The following LSAMP variants were observed in gnomAD, a reference collection of about 807,000 sequenced individuals.
LSAMP encodes the protein limbic system-associated membrane protein.
Under a neutral mutation model 38.6 loss-of-function variants are expected in LSAMP, and 7 were observed. That is an observed-to-expected ratio of 0.18 (90% confidence interval 0.10 to 0.34). The LOEUF is 0.34. LSAMP is among the 10% of genes least tolerant of loss of function. The probability of loss-of-function intolerance (pLI) is 1.00; values close to 1 mark genes in which losing one functional copy is unlikely to be tolerated. For synonymous variants in LSAMP, 154 were observed against 166.8 expected (o/e 0.92, Z 0.59); for missense variants, 313 against 420.0 (o/e 0.75, Z 2.23).
At chr3:116,328,338 C>T (rs1372034230) in intron 1 of LSAMP, among the ~76,000 whole-genome samples, 1 of 152,120 alleles carries the variant, frequency 6.6e-6, no homozygotes, top group Non-Finnish European at 1.5e-5. Context: ...AATCGAAATT[C>T]TTTATTGATT....
intron 1 of LSAMP, among the ~76,000 whole-genome samples, chr3:116,091,414 A>G (rs1162786962): frequency 6.6e-6 from 1 of 152,070 alleles, no homozygotes; most frequent in Non-Finnish European, 1.5e-5. Flanking sequence ...GACAGGACTA[A>G]GAGACTAAAG....
intron 1 of LSAMP, among the ~76,000 whole-genome samples, chr3:116,191,360 TC>T (rs1182971900): frequency 6.6e-6 from 1 of 152,114 alleles, no homozygotes; most frequent in African/African-American, 2.4e-5. Flanking sequence ...GATGAAGTGG[TC>T]CAAGGGGCAA....
chr3:116,229,240 A>G (rs962038249), intron 1 of LSAMP, among the ~76,000 whole-genome samples: 2 of 152,170 alleles, frequency 1.3e-5, no homozygotes, highest in African/African-American at 2.4e-5. Context: ...ACATCCTTTG[A>G]ACATGATTTA....
chr3:116,273,825 C>T (rs1419066601), intron 1 of LSAMP, among the ~76,000 whole-genome samples: 1 of 149,910 alleles, frequency 6.7e-6, no homozygotes, highest in Admixed American at 6.7e-5. Flanking sequence ...CTCTCTCTCT[C>T]TCTCTCTTTC....
At chr3:116,289,215 A>G (rs2047231003) in intron 1 of LSAMP, among the ~76,000 whole-genome samples, 1 of 152,222 alleles carries the variant, frequency 6.6e-6, no homozygotes, top group African/African-American at 2.4e-5. Flanking sequence ...TGAGATATAA[A>G]TAAGCAGTTC....
intron 1 of LSAMP, among the ~76,000 whole-genome samples, chr3:116,349,668 C>T (rs1559837358): frequency 6.6e-6 from 1 of 151,828 alleles, no homozygotes; most frequent in Non-Finnish European, 1.5e-5. Flanking sequence ...GACTCTCTCA[C>T]ACACAAATAA....
At chr3:116,219,959 G>C (rs1039850460) in intron 1 of LSAMP, among the ~76,000 whole-genome samples, 1 of 152,150 alleles carries the variant, frequency 6.6e-6, no homozygotes, top group African/African-American at 2.4e-5. Flanking sequence ...TGGATCACCT[G>C]AGGTCAGGAG....
At chr3:116,186,921 A>G (rs1710632376) in intron 1 of LSAMP, among the ~76,000 whole-genome samples, 1 of 152,146 alleles carries the variant, frequency 6.6e-6, no homozygotes, top group Admixed American at 6.6e-5. Flanking sequence ...CTTGCTATGC[A>G]TAAGACTATT....
At chr3:116,292,308 A>AAAAG (rs1383265117) in intron 1 of LSAMP, among the ~76,000 whole-genome samples, 1 of 152,236 alleles carries the variant, frequency 6.6e-6, no homozygotes, top group Non-Finnish European at 1.5e-5. Context: ...CATAAGAATG[A>AAAAG]AAAGAAGATG....
At chr3:115,867,589 G>T (rs1230705458) in intron 3 of LSAMP, among the ~76,000 whole-genome samples, 1 of 152,050 alleles carries the variant, frequency 6.6e-6, no homozygotes, top group African/African-American at 2.4e-5. Flanking sequence ...GAGCAAACAA[G>T]AAAGTAATAG....
chr3:116,257,592 C>A (rs897319513), intron 1 of LSAMP, among the ~76,000 whole-genome samples: 1 of 151,782 alleles, frequency 6.6e-6, no homozygotes, highest in Non-Finnish European at 1.5e-5. Context: ...TGAATATTTG[C>A]TGCTAATGAT....
chr3:116,399,783 A>T (rs1042925047), intron 1 of LSAMP, among the ~76,000 whole-genome samples: 1 of 152,216 alleles, frequency 6.6e-6, no homozygotes, highest in Admixed American at 6.5e-5. Flanking sequence ...TCCAGAGGCT[A>T]TGTGAATTGT....
At chr3:116,206,780 A>G (rs2107600447) in intron 1 of LSAMP, among the ~76,000 whole-genome samples, 1 of 151,282 alleles carries the variant, frequency 6.6e-6, no homozygotes, top group African/African-American at 2.4e-5. Flanking sequence ...AGTTTGTTAT[A>G]ATCTCTGTTC....
At position 116,256,973 on chromosome 3, in the gene LSAMP, C is replaced by T. The variant is rs1029293693; in HGVS notation, c.156-170417G>A. 3.3e-5 allele frequency among the ~76,000 whole-genome samples: 5 copies of T among 152,208 alleles called. No homozygotes were observed. The East Asian group carries it at 9.6e-4, about 29-fold the overall frequency. On this transcript the variant is annotated intron_variant, in intron 1 of 6. Coordinates refer to ENST00000490035, the MANE Select transcript of LSAMP (RefSeq NM_002338.5). ...TTTTTCCTTGCTTTCACATCTGGGG[C>T]TGCTATGCTTCGACTATCTGCTTCC...
At chr3:116,246,859 C>T (rs1210143158) in intron 1 of LSAMP, among the ~76,000 whole-genome samples, 1 of 152,020 alleles carries the variant, frequency 6.6e-6, no homozygotes, top group East Asian at 1.9e-4. Flanking sequence ...TGAAAATGTC[C>T]TGGTAGTGGT....
chr3:115,991,784 T>C (rs1168772048), intron 3 of LSAMP, among the ~76,000 whole-genome samples: 1 of 151,390 alleles, frequency 6.6e-6, no homozygotes, highest in Non-Finnish European at 1.5e-5. Flanking sequence ...AGGCAGGCTG[T>C]TACTATGAAA....
chr3:116,067,648 T>A (rs926093605), intron 2 of LSAMP, among the ~76,000 whole-genome samples: 3 of 152,160 alleles, frequency 2.0e-5, no homozygotes, highest in Non-Finnish European at 4.4e-5. Flanking sequence ...TTGAACAGGT[T>A]TTCTCCCCTT....
chr3:116,182,158 C>T (rs550535469), intron 1 of LSAMP, among the ~76,000 whole-genome samples: 3 of 151,940 alleles, frequency 2.0e-5, no homozygotes, highest in Non-Finnish European at 2.9e-5. Context: ...ATGGAAATAA[C>T]TTGGTAGGTA....
intron 3 of LSAMP, among the ~76,000 whole-genome samples, chr3:115,936,320 A>C (rs756982314): frequency 6.6e-6 from 1 of 152,236 alleles, no homozygotes; most frequent in Non-Finnish European, 1.5e-5. Flanking sequence ...GTTAGTAAAG[A>C]CTAGCATGGA....
Sources: gnomAD v4.1 joint callset for allele counts (sites outside exome capture counted in the v4.1 genomes callset) on GRCh38, gnomAD v4.1.1 for gene constraint, MANE v1.5 for transcripts, NCBI Gene and HGNC (gene_info 2026-07-23, HGNC 2026-07-21) for gene names.